The following TNK1 variants were observed in gnomAD, a reference collection of about 807,000 sequenced individuals.
TNK1 encodes the protein non-receptor tyrosine-protein kinase TNK1.
Under a neutral mutation model 65.2 loss-of-function variants are expected in TNK1, and 53 were observed. The observed-to-expected ratio is 0.81, with a 90% CI of 0.65 to 1.02. TNK1 has a LOEUF of 1.02. Ranked by LOEUF, TNK1 falls within the 50% of genes least tolerant of loss-of-function variation. The pLI is 0.00. For synonymous variants in TNK1, 353 were observed against 364.6 expected (o/e 0.97, Z 0.36); for missense variants, 837 against 878.4 (o/e 0.95, Z 0.60).
chr17:7,384,094 TG>T lies in TNK1; in HGVS notation c.712del (p.Ala238ProfsTer74). 1.3e-6 allele frequency: 2 copies of T among 1,544,860 alleles called. No homozygotes were observed. The highest frequency in any genetic ancestry group is 1.7e-6 in the Non-Finnish European group (2 of 1,152,972). ...LRQLAGAMAYLGARGLVHRDL... is the reference protein window; with the variant it reads ...LRQLAGAMAYXGARGLVHRDL... ...CAGCTGGCGGGAGCCATGGCGTACC[TG>T]GGGGCCCGCGGGCTGGTGCACCGAG... On this transcript the variant is annotated frameshift_variant, in exon 6 of 13. Coordinates refer to ENST00000688331, the MANE Select transcript of TNK1 (RefSeq NM_003985.6). LOFTEE classifies it high-confidence loss of function.
Position 7,382,586 on chromosome 17 carries a change from G to A in TNK1, c.-91-250G>A, listed in dbSNP as rs560024731. Among the ~76,000 whole-genome samples, 32 of 152,304 alleles carry A rather than the reference G, an allele frequency of 2.1e-4. No homozygotes were observed. The highest frequency in any genetic ancestry group is 6.3e-4 in the African/African-American group (26 of 41,554). On this transcript the variant is annotated intron_variant, in intron 1 of 12. Coordinates refer to ENST00000688331, the MANE Select transcript of TNK1 (RefSeq NM_003985.6). This position sits in a 1 kb window ranked among gnomAD's most constrained non-coding sequence, Gnocchi z 4.1. ...AAAAGGGCAGTGTTTCTGGGTGTCC[G>A]GGTGTGTGATGTGCCGTGATATTTC...
At chr17:7,380,146 C>T (rs980102299), upstream of TNK1, among the ~76,000 whole-genome samples, 1 of 152,148 alleles carries the variant, frequency 6.6e-6, no homozygotes, top group South Asian at 2.1e-4. Flanking sequence ...AGAAGAGGAC[C>T]CGAGGCTGGG....
In TNK1 at chr17:7,384,704, C is replaced by G. The variant is rs760286925; in HGVS notation, c.1087C>G (p.His363Asp). The stretch of plus-strand genomic sequence containing the variant: ...CCTCGCCTTGCGCTGCTGGGCCCCC[C>G]ACCCTGCCGACCGGCCTAGCTTTTC... ...YSLALRCWAP[H>D]PADRPSFSHL... Residue 363 changes from histidine (H) to aspartate (D), a missense_variant, in exon 7 of 13, where the codon CAC (histidine) becomes GAC (aspartate). Coordinates refer to ENST00000688331, the MANE Select transcript of TNK1 (RefSeq NM_003985.6). 3.8e-6 allele frequency: 6 copies of G among 1,591,256 alleles called. No individual in the cohort carries two copies. The highest frequency in any genetic ancestry group is 1.7e-5 in the Admixed American group (1 of 58,024).
At position 7,384,105 on chromosome 17, in the gene TNK1, G is replaced by T. The variant is rs867648726; in HGVS notation, c.718G>T (p.Gly240Trp). 6.5e-7 allele frequency: 1 copy of T among 1,546,792 alleles called. No homozygotes were observed. The highest frequency in any genetic ancestry group is 8.7e-7 in the Non-Finnish European group (1 of 1,154,020). Residue 240 changes from glycine to tryptophan, a missense_variant, in exon 6 of 13, where the codon GGG becomes TGG. By Grantham distance (184) the Gly-to-Trp change is radical. Coordinates refer to ENST00000688331, the MANE Select transcript of TNK1 (RefSeq NM_003985.6). ...AGCCATGGCGTACCTGGGGGCCCGC[G>T]GGCTGGTGCACCGAGACCTCGCTAC... The part of the protein sequence containing the change: ...AGAMAYLGAR[G>W]LVHRDLATRN...
Position 7,382,288 on chromosome 17 carries a change from T to A in TNK1, c.-91-548T>A, listed in dbSNP as rs1904862719. ...CTCAAAAAAAAAAAAAAAGAGGACA[T>A]GTATTTGGGAGTCTCGGCCATGTTT... is the stretch of plus-strand genomic sequence containing the variant. On this transcript the variant is annotated intron_variant, in intron 1 of 12. Coordinates refer to ENST00000688331, the MANE Select transcript of TNK1 (RefSeq NM_003985.6). The surrounding 1 kb of genome is among the most constrained non-coding windows in gnomAD (Gnocchi z 4.1). Among the ~76,000 whole-genome samples the A allele has an allele frequency of 6.9e-6, 1 of 145,196 alleles. No individual in the cohort carries two copies. The highest frequency in any genetic ancestry group is 1.5e-5 in the Non-Finnish European group (1 of 66,618).
intron 5 of TNK1, 41 bp downstream of exon 5, chr17:7,383,905 G>C (rs761091843): frequency 1.3e-6 from 2 of 1,580,238 alleles, no homozygotes; most frequent in African/African-American, 1.3e-5. Flanking sequence ...CAGCCGTGCG[G>C]CAGGAGCGTG....
intron 8 of TNK1, 87 bp downstream of exon 8, chr17:7,386,742 T>C (rs1905200715): frequency 3.2e-6 from 4 of 1,248,936 alleles, no homozygotes; most frequent in Non-Finnish European, 4.5e-6. Flanking sequence ...TCTCTCCAGC[T>C]CCTTGAACCC....
chr17:7,387,514 G>T, intron 10 of TNK1, 57 bp downstream of exon 10: 1 of 1,430,652 alleles, frequency 7.0e-7, no homozygotes, highest in Non-Finnish European at 9.6e-7. Context: ...CTTCAATTCC[G>T]ACCCCCTGCC....
intron 1 of TNK1, among the ~76,000 whole-genome samples, chr17:7,381,843 T>C (rs1904832087): frequency 6.6e-6 from 1 of 152,196 alleles, no homozygotes; most frequent in Non-Finnish European, 1.5e-5. Context: ...GGGCAGTGTA[T>C]CTAGGTGTTT....
At chr17:7,386,071 TAGGC>T (rs1214394811) in intron 7 of TNK1, among the ~76,000 whole-genome samples, 13 of 152,052 alleles carry the variant, frequency 8.5e-5, no homozygotes, top group African/African-American at 3.1e-4. Context: ...GGAAGCCTAT[TAGGC>T]AGGGGAGTTA....
At chr17:7,384,862 G>A in intron 7 of TNK1, 108 bp downstream of exon 7, 1 of 1,416,020 alleles carries the variant, frequency 7.1e-7, no homozygotes, top group Non-Finnish European at 9.4e-7. Flanking sequence ...TGGGCTCTGG[G>A]ACTCAGCTCT....
rs752538066 is a variant in TNK1, at chr17:7,382,882, A to C, written c.-45A>C. 2 of 1,606,820 alleles carry C rather than the reference A, an allele frequency of 1.2e-6. No individual in the cohort carries two copies. Among genetic ancestry groups the C allele is most frequent in the Admixed American group, 1.7e-5 (1 of 59,632 alleles). On this transcript the variant is annotated 5_prime_UTR_variant, in exon 2 of 13. Transcript: ENST00000688331. The surrounding 1 kb of genome is among the most constrained non-coding windows in gnomAD (Gnocchi z 4.1). ...CTCTAGGGCCTACCCTGAGCTCACC[A>C]TCTGAAGGAGAGTGCCATCATCCTT...
intron 7 of TNK1, among the ~76,000 whole-genome samples, chr17:7,385,847 G>GA (rs1397898028): frequency 1.3e-5 from 2 of 152,208 alleles, no homozygotes; most frequent in African/African-American, 4.8e-5. Flanking sequence ...TTACAGGCAT[G>GA]AGCCACCGTG....
chr17:7,384,333 C>T (rs1444752584), intron 6 of TNK1, 80 bp downstream of exon 6: 3 of 1,432,752 alleles, frequency 2.1e-6, no homozygotes, highest in Non-Finnish European at 2.7e-6. Flanking sequence ...CGGAGGGGGC[C>T]GGGCTTCTGA....
Position 7,387,155 on chromosome 17 carries a change from G to T in TNK1, c.1397+1G>T. 2.5e-6 allele frequency: 4 copies of T among 1,578,172 alleles called. No homozygotes were observed. Among genetic ancestry groups the T allele is most frequent in the Non-Finnish European group, 3.4e-6 (4 of 1,159,674 alleles). ...ATCAACACCCAGGAAGCATAGATGGGTGAGGACCTGAAAGGGTGAGGGCAG... is the reference window on the plus strand; with the variant it reads ...ATCAACACCCAGGAAGCATAGATGGTTGAGGACCTGAAAGGGTGAGGGCAG... On this transcript the variant is annotated splice_donor_variant, in intron 9 of 12. Transcript: ENST00000688331. LOFTEE classifies it high-confidence loss of function.
rs765605513 is a variant in TNK1 at position 7,388,410 on chromosome 17, T to G, written c.1482T>G (p.Ile494Met). 4 of 1,604,518 alleles carry G rather than the reference T, an allele frequency of 2.5e-6. No individual in the cohort carries two copies. Among genetic ancestry groups the G allele is most frequent in the Non-Finnish European group, 3.4e-6 (4 of 1,175,048 alleles). The stretch of plus-strand genomic sequence containing the variant: ...GTTTCCTTCTCAACTGTGCAGGCAT[T>G]TCCAGGAGTCTGGAGTCAGTTCTGT... ...RNMPLERMKGISRSLESVLSL... is the reference protein window; with the variant it reads ...RNMPLERMKGMSRSLESVLSL... The change falls in exon 11 of 13, where the codon ATT becomes ATG. Residue 494 changes from isoleucine to methionine, a missense_variant. Physicochemically the swap from Ile to Met is conservative, Grantham distance 10. Coordinates refer to ENST00000688331, the MANE Select transcript of TNK1 (RefSeq NM_003985.6). The surrounding 1 kb of genome is among the most constrained non-coding windows in gnomAD (Gnocchi z 4.5).
chr17:7,388,485 A>G lies in TNK1; in HGVS notation c.1557A>G (p.Arg519=). ...GTGGTTCAAGCCCCCCTGAAATTCG[A>G]CAAGCCAGAGCTGTGCCCCAGGGAC... ...TGGGSSPPEI[R]QARAVPQGPP... Residue 519 remains arginine, a synonymous_variant, in exon 11 of 13, where the codon CGA becomes CGG. Transcript: ENST00000688331. The surrounding 1 kb of genome is among the most constrained non-coding windows in gnomAD (Gnocchi z 4.5). 1 of 1,613,738 alleles carries G rather than the reference A, an allele frequency of 6.2e-7. No individual in the cohort carries two copies. Among genetic ancestry groups the G allele is most frequent in the South Asian group, 1.1e-5 (1 of 91,056 alleles).
Position 7,384,556 on chromosome 17 carries a change from G to GTGGATGTT in TNK1, c.942_943insATGTTTGG (p.Glu315MetfsTer77), listed in dbSNP as rs1905065048. The GTGGATGTT allele has an allele frequency of 3.7e-6, 6 of 1,610,700 alleles. No individual in the cohort carries two copies. Among genetic ancestry groups the GTGGATGTT allele is most frequent in the Non-Finnish European group, 5.1e-6 (6 of 1,178,204 alleles). On this transcript the variant is annotated frameshift_variant, in exon 7 of 13. Coordinates refer to ENST00000688331, the MANE Select transcript of TNK1 (RefSeq NM_003985.6). LOFTEE classifies it high-confidence loss of function. Reference sequence around the variant, plus strand: ...ACGTGTGGATGTTTGGGGTGACGCTGTGGGAGATGTTCTCCGGGGGCGAGG... The same window carrying GTGGATGTT: ...ACGTGTGGATGTTTGGGGTGACGCTGTGGATGTTTGGGAGATGTTCTCCGGGGGCGAGG...
chr17:7,382,775 G>A lies in TNK1; in HGVS notation c.-91-61G>A, dbSNP rs1018868152. 15 of 792,078 alleles carry A rather than the reference G, an allele frequency of 1.9e-5. No homozygotes were observed. The highest frequency in any genetic ancestry group is 2.9e-5 in the Non-Finnish European group (15 of 509,112). The allele number at this position is 792,078 out of a possible 1,614,324, so 49.1% of individuals were successfully genotyped here. On this transcript the variant is annotated intron_variant, in intron 1 of 12. Coordinates refer to ENST00000688331, the MANE Select transcript of TNK1 (RefSeq NM_003985.6). This position sits in a 1 kb window ranked among gnomAD's most constrained non-coding sequence, Gnocchi z 4.1. ...GGGATTTGTGTGCGTGAGTGGCAGG[G>A]ATCCTGGCTGTCTCTGCTGTGTCCC...
Sources: allele counts gnomAD v4.1 joint callset (sites outside exome capture counted in the v4.1 genomes callset), GRCh38; gene constraint gnomAD v4.1.1; non-coding constraint Gnocchi (gnomAD v3.1); transcripts MANE v1.5; gene names NCBI Gene and HGNC (gene_info 2026-07-23, HGNC 2026-07-21).